BRINP1: variants seen among roughly 807,000 people sequenced by gnomAD.
The protein encoded by BRINP1 is BMP/retinoic acid-inducible neural-specific protein 1.
A neutral mutation model predicts 72.9 loss-of-function variants in BRINP1; 17 were observed. That is an observed-to-expected ratio of 0.23 (90% CI 0.16 to 0.35). BRINP1 has a LOEUF of 0.35. BRINP1 is among the 10% of genes least tolerant of loss of function. The pLI is 1.00. For missense variants in BRINP1, 850 were observed against 1,001.6 expected (o/e 0.85, Z 2.04); for synonymous variants, 418 against 378.5 (o/e 1.10, Z -1.21).
At chr9:119,224,619 G>A (rs903659505) in intron 5 of BRINP1, among the ~76,000 whole-genome samples, 5 of 152,020 alleles carry the variant, frequency 3.3e-5, no homozygotes, top group East Asian at 1.9e-4. Flanking sequence ...CTCATATTTC[G>A]TGTCAGCTGT....
intron 5 of BRINP1, among the ~76,000 whole-genome samples, chr9:119,216,477 C>G (rs1009412020): frequency 4.6e-5 from 7 of 152,154 alleles, no homozygotes; most frequent in African/African-American, 2.4e-5. Flanking sequence ...TAAAACAAAT[C>G]AAGAATAAAG....
rs141381429 is a variant in BRINP1, at chr9:119,191,154, A to G, written c.1145+17565T>C. Among the ~76,000 whole-genome samples, 399 of 152,114 alleles carry G rather than the reference A, an allele frequency of 2.6e-3. 4 individuals carry two copies. The highest frequency in any genetic ancestry group is 9.3e-3 in the African/African-American group (387 of 41,566). ...TTTGTCAATATAATAAAGGGTATTT[A>G]TGAAAAACCCACAGCTAACATCATA... On this transcript the variant is annotated intron_variant, in intron 7 of 7. Transcript: ENST00000265922.
At chr9:119,314,198 G>A (rs1831101494) in intron 1 of BRINP1, among the ~76,000 whole-genome samples, 1 of 152,194 alleles carries the variant, frequency 6.6e-6, no homozygotes, top group Admixed American at 6.5e-5. Flanking sequence ...CATTTTGTCA[G>A]GGGGTCTCGC....
intron 5 of BRINP1, among the ~76,000 whole-genome samples, chr9:119,232,933 G>A (rs1830161184): frequency 6.6e-6 from 1 of 151,910 alleles, no homozygotes. Flanking sequence ...ACCACTATTT[G>A]AGCTGTTACT....
intron 2 of BRINP1, among the ~76,000 whole-genome samples, chr9:119,250,965 G>A (rs893594193): frequency 7.2e-5 from 11 of 152,156 alleles, no homozygotes; most frequent in African/African-American, 2.2e-4. Flanking sequence ...CAGAACAGTG[G>A]GGGTATCTGG....
chr9:119,168,506 C>A (rs1829348784), intron 7 of BRINP1, among the ~76,000 whole-genome samples: 1 of 138,484 alleles, frequency 7.2e-6, no homozygotes, highest in Non-Finnish European at 1.6e-5. Context: ...GGGGTCCTTC[C>A]AGCTCTTTGA....
At chr9:119,199,487 A>C (rs1478140112) in intron 7 of BRINP1, among the ~76,000 whole-genome samples, 1 of 152,182 alleles carries the variant, frequency 6.6e-6, no homozygotes, top group Admixed American at 6.5e-5. Context: ...AGAGATTTTC[A>C]TCTCAACAAT....
intron 7 of BRINP1, among the ~76,000 whole-genome samples, chr9:119,204,792 A>G (rs1829836601): frequency 6.6e-6 from 1 of 152,240 alleles, no homozygotes; most frequent in African/African-American, 2.4e-5. Context: ...AATGAGGTGC[A>G]GGACTTACAT....
intron 7 of BRINP1, among the ~76,000 whole-genome samples, chr9:119,197,829 A>T: frequency 6.6e-6 from 1 of 152,360 alleles, no homozygotes; most frequent in South Asian, 2.1e-4. Context: ...CTAAAAAGTT[A>T]TGAAATAACT....
chr9:119,339,455 AC>A (rs1831386379), intron 1 of BRINP1, among the ~76,000 whole-genome samples: 1 of 152,216 alleles, frequency 6.6e-6, no homozygotes, highest in Non-Finnish European at 1.5e-5. Flanking sequence ...TCAGGTCAAA[AC>A]TTTTATCTGT....
intron 5 of BRINP1, among the ~76,000 whole-genome samples, chr9:119,233,234 G>A (rs944870069): frequency 6.6e-6 from 1 of 151,966 alleles, no homozygotes; most frequent in Non-Finnish European, 1.5e-5. Flanking sequence ...CTTGAAGTTA[G>A]GCTGAGTTAA....
rs1340062983 is a variant in BRINP1, at chr9:119,167,534, G to T, written c.1836C>A (p.Phe612Leu). The T allele has an allele frequency of 4.3e-6, 7 of 1,614,118 alleles. 1 individual carries two copies. Among genetic ancestry groups the T allele is most frequent in the Non-Finnish European group, 5.9e-6 (7 of 1,180,006 alleles). ...TACGTAGGTAGATGTGGACCGTCTC[G>T]AAAAATGTTTTCCACCGATTGCCCA... is the stretch of plus-strand genomic sequence containing the variant. ...LLLGNRWKTF[F>L]ETVHIYLRSR... The change falls in exon 8 of 8, where the codon TTC (phenylalanine) becomes TTA (leucine). Residue 612 changes from phenylalanine (F) to leucine (L), a missense_variant. Physicochemically the swap from Phe to Leu is conservative, Grantham distance 22 (BLOSUM62 0). Transcript: ENST00000265922. This position sits in a 1 kb window ranked among gnomAD's most constrained non-coding sequence, Gnocchi z 4.3.
intron 5 of BRINP1, among the ~76,000 whole-genome samples, chr9:119,236,493 T>C (rs1308577398): frequency 6.6e-6 from 1 of 152,168 alleles, no homozygotes; most frequent in Non-Finnish European, 1.5e-5. Flanking sequence ...TTCAGGTAAA[T>C]CAACCTCTAA....
At chr9:119,170,093 C>T (rs1233458511) in intron 7 of BRINP1, among the ~76,000 whole-genome samples, 4 of 151,928 alleles carry the variant, frequency 2.6e-5, no homozygotes, top group African/African-American at 4.8e-5. Flanking sequence ...TCCAAAGGAA[C>T]GCAGTTCCTC....
chr9:119,343,921 T>C (rs1010749982), intron 1 of BRINP1, among the ~76,000 whole-genome samples: 2 of 152,154 alleles, frequency 1.3e-5, no homozygotes, highest in African/African-American at 2.4e-5. Flanking sequence ...CCTCCTAATG[T>C]TCTCTTACTA....
intron 7 of BRINP1, among the ~76,000 whole-genome samples, chr9:119,170,682 G>C (rs1385954688): frequency 1.5e-5 from 2 of 133,394 alleles, no homozygotes; most frequent in Non-Finnish European, 3.1e-5. Flanking sequence ...ATAATTGTCA[G>C]ATTCACCAAA....
intron 2 of BRINP1, among the ~76,000 whole-genome samples, chr9:119,252,808 A>C (rs1830406822): frequency 6.6e-6 from 1 of 152,198 alleles, no homozygotes; most frequent in Admixed American, 6.5e-5. Context: ...GTACCAGTAC[A>C]GAAGAATGAT....
At chr9:119,268,894 C>A (rs1394513571) in intron 2 of BRINP1, among the ~76,000 whole-genome samples, 5 of 152,184 alleles carry the variant, frequency 3.3e-5, no homozygotes, top group African/African-American at 9.7e-5. Flanking sequence ...GGAAACTTCC[C>A]TAAGACTTCC....
chr9:119,197,974 CAAAA>C (rs904535808), intron 7 of BRINP1, among the ~76,000 whole-genome samples: 1 of 151,990 alleles, frequency 6.6e-6, no homozygotes, highest in Non-Finnish European at 1.5e-5. Context: ...GGGGAAGTAA[CAAAA>C]AAATCTGCAA....
Sources: gnomAD v4.1 joint callset for allele counts (sites outside exome capture counted in the v4.1 genomes callset) on GRCh38, gnomAD v4.1.1 for gene constraint, Gnocchi (gnomAD v3.1) non-coding constraint, MANE v1.5 for transcripts, NCBI Gene and HGNC (gene_info 2026-07-23, HGNC 2026-07-21) for gene names.